Variants in RBP7 observed in about 807,000 individuals in gnomAD.
RBP7 encodes retinoid-binding protein 7.
In RBP7, 13 loss-of-function variants were observed where a neutral mutation model predicts 16.7. The ratio of observed to expected loss-of-function variants is 0.78; its 90% confidence interval spans 0.51 to 1.24. The LOEUF (loss-of-function observed/expected upper bound fraction) is 1.24, where lower values mean the gene tolerates loss of function less well. RBP7 is among the 50% of genes most tolerant of loss of function. RBP7 has a pLI of 0.00. For synonymous variants in RBP7, 54 were observed against 56.2 expected (o/e 0.96, Z 0.17); for missense variants, 145 against 159.5 (o/e 0.91, Z 0.49).
chr1:10,009,276 G>A lies in RBP7; in HGVS notation c.354+1002G>A, dbSNP rs965862661. On this transcript the variant is annotated intron_variant, in intron 3 of 3. Coordinates refer to ENST00000294435, the MANE Select transcript of RBP7 (RefSeq NM_052960.3). ...AATACAAAAATTAGCTGGGCATGGT[G>A]GCACATGTCTGTAATCCCAGCTACT... Among the ~76,000 whole-genome samples the A allele has an allele frequency of 6.6e-5, 10 of 152,258 alleles. No individual in the cohort carries two copies. The South Asian group carries it at 1.9e-3, about 28-fold the overall frequency.
At chr1:10,000,479 A>G (rs909159839) in intron 1 of RBP7, among the ~76,000 whole-genome samples, 5 of 151,994 alleles carry the variant, frequency 3.3e-5, no homozygotes, top group African/African-American at 1.2e-4. Flanking sequence ...GGTTGCAGTG[A>G]GCCCAGATCA....
intron 1 of RBP7, 72 bp from the exon 2 acceptor site, chr1:10,007,498 A>T: frequency 8.9e-7 from 1 of 1,124,050 alleles, no homozygotes; most frequent in Non-Finnish European, 1.3e-6. Flanking sequence ...GGTGATTTTG[A>T]GAACAGCTAC....
chr1:9,998,064 C>A (rs1211616734), intron 1 of RBP7, among the ~76,000 whole-genome samples: 2 of 152,248 alleles, frequency 1.3e-5, no homozygotes, highest in African/African-American at 2.4e-5. Context: ...TCTCAACTCA[C>A]TGCAACCTCC....
intron 1 of RBP7, among the ~76,000 whole-genome samples, chr1:9,998,403 C>CTT (rs781432319): frequency 1.7e-5 from 2 of 120,434 alleles, no homozygotes; most frequent in African/African-American, 8.0e-5. Flanking sequence ...TTCTTTCTTT[C>CTT]TTTCTTTTTT....
At chr1:10,011,085 T>C (rs899485921) in intron 3 of RBP7, among the ~76,000 whole-genome samples, 6 of 152,168 alleles carry the variant, frequency 3.9e-5, no homozygotes, top group Non-Finnish European at 8.8e-5. Context: ...GTTTTATGAG[T>C]TACAGGAATT....
chr1:10,015,271 C>T (rs534261988), intron 3 of RBP7, among the ~76,000 whole-genome samples: 1 of 151,998 alleles, frequency 6.6e-6, no homozygotes, highest in African/African-American at 2.4e-5. Flanking sequence ...GAAACCCCGT[C>T]GCTACTAAAA....
intron 1 of RBP7, chr1:10,006,918 G>C: frequency 2.3e-6 from 1 of 427,330 alleles, no homozygotes; most frequent in South Asian, 1.6e-5. Context: ...CTGGGTTGGG[G>C]GGCCTAAGCC....
At chr1:10,009,315 C>T (rs1642538457) in intron 3 of RBP7, among the ~76,000 whole-genome samples, 1 of 151,966 alleles carries the variant, frequency 6.6e-6, no homozygotes, top group South Asian at 2.1e-4. Flanking sequence ...GAGGCTGAGG[C>T]AGGAGAATTG....
chr1:10,002,241 C>T (rs1050293610), intron 1 of RBP7, among the ~76,000 whole-genome samples: 2 of 152,094 alleles, frequency 1.3e-5, no homozygotes, highest in South Asian at 2.1e-4. Context: ...GATAAATGTA[C>T]GTTTGTGTGG....
In RBP7 at chr1:9,997,320, T is replaced by C; in HGVS notation, c.62T>C (p.Met21Thr). The change falls in exon 1 of 4, where the codon ATG (methionine) becomes ACG (threonine). Residue 21 changes from methionine (M) to threonine (T), a missense_variant. Physicochemically the swap from Met to Thr is moderately conservative, Grantham distance 81. Coordinates refer to ENST00000294435, the MANE Select transcript of RBP7 (RefSeq NM_052960.3). This position sits in a 1 kb window ranked among gnomAD's most constrained non-coding sequence, Gnocchi z 5.9. ...LLSSDNFEGYMLALGIDFATR... is the reference protein window; with the variant it reads ...LLSSDNFEGYTLALGIDFATR... ...AGCAGCGACAACTTCGAGGGCTACA[T>C]GCTGGCCCTAGGTAAGGCGGAGGGG... 6.2e-7 allele frequency: 1 copy of C among 1,611,116 alleles called. No individual in the cohort carries two copies.
chr1:10,010,742 G>A (rs536876295), intron 3 of RBP7, among the ~76,000 whole-genome samples: 4 of 151,766 alleles, frequency 2.6e-5, no homozygotes, highest in Admixed American at 6.6e-5. Context: ...GCACCACCAC[G>A]CCTGGCTAAT....
At chr1:10,002,596 C>T (rs1185317885) in intron 1 of RBP7, among the ~76,000 whole-genome samples, 1 of 152,038 alleles carries the variant, frequency 6.6e-6, no homozygotes, top group East Asian at 1.9e-4. Context: ...TCCTTCTAGG[C>T]TCAAGCGATC....
intron 1 of RBP7, among the ~76,000 whole-genome samples, chr1:10,006,768 G>T (rs143346687): frequency 0.051 from 7,398 of 145,286 alleles, 283 homozygotes; most frequent in Admixed American, 0.1. Flanking sequence ...TATATATAGA[G>T]AGAGAGAGAG....
intron 3 of RBP7, among the ~76,000 whole-genome samples, chr1:10,010,014 A>G (rs947132972): frequency 1.3e-5 from 2 of 152,188 alleles, no homozygotes; most frequent in African/African-American, 4.8e-5. Flanking sequence ...GTAAATGTAT[A>G]CAGGTGTACA....
intron 1 of RBP7, among the ~76,000 whole-genome samples, chr1:10,004,594 C>T (rs115198714): frequency 0.011 from 1,713 of 152,152 alleles, 25 homozygotes; most frequent in African/African-American, 0.038. Context: ...AGGCTGGTCG[C>T]GTTGGTCTGC....
chr1:10,009,417 C>A (rs1642542604), intron 3 of RBP7, among the ~76,000 whole-genome samples: 1 of 151,324 alleles, frequency 6.6e-6, no homozygotes, highest in Non-Finnish European at 1.5e-5. Flanking sequence ...AAAAATAAAA[C>A]AAAATAAGGG....
chr1:10,010,509 T>G (rs1226834395), intron 3 of RBP7, among the ~76,000 whole-genome samples: 1 of 151,692 alleles, frequency 6.6e-6, no homozygotes, highest in South Asian at 2.1e-4. Flanking sequence ...CTCCACCTCC[T>G]GGGTTCAAGG....
chr1:10,003,675 C>A (rs1056342020), intron 1 of RBP7, among the ~76,000 whole-genome samples: 1 of 152,222 alleles, frequency 6.6e-6, no homozygotes, highest in Non-Finnish European at 1.5e-5. Flanking sequence ...GCAGGCTAAT[C>A]CCCGCTCTGG....
At chr1:9,999,792 G>A (rs1642231622) in intron 1 of RBP7, among the ~76,000 whole-genome samples, 1 of 136,642 alleles carries the variant, frequency 7.3e-6, no homozygotes, top group African/African-American at 2.7e-5. Context: ...TAGAGTGGTT[G>A]TTTACATAAT....
Sources: allele counts gnomAD v4.1 joint callset (sites outside exome capture counted in the v4.1 genomes callset), GRCh38; gene constraint gnomAD v4.1.1; non-coding constraint Gnocchi (gnomAD v3.1); transcripts MANE v1.5; gene names NCBI Gene and HGNC (gene_info 2026-07-23, HGNC 2026-07-21).